The following PNLIP variants were observed in gnomAD, a reference collection of about 807,000 sequenced individuals.
PNLIP encodes the protein pancreatic lipase, also known as pancreatic triacylglycerol lipase.
Under a neutral mutation model 57.1 loss-of-function variants are expected in PNLIP, and 49 were observed. The observed-to-expected ratio is 0.86, with a 90% CI of 0.68 to 1.09. The LOEUF (loss-of-function observed/expected upper bound fraction) is 1.09, where lower values mean the gene tolerates loss of function less well. Among genes scored for constraint, PNLIP ranks in the 50% least tolerant of loss-of-function variants. The probability of loss-of-function intolerance (pLI) is 0.00; values close to 1 mark genes in which losing one functional copy is unlikely to be tolerated. For synonymous variants in PNLIP, 209 were observed against 200.4 expected (o/e 1.04, Z -0.36); for missense variants, 503 against 570.2 (o/e 0.88, Z 1.20).
At chr10:116,547,633 G>A (rs997809453) in intron 3 of PNLIP, among the ~76,000 whole-genome samples, 185 bp downstream of exon 3, 2 of 151,388 alleles carry the variant, frequency 1.3e-5, no homozygotes, top group African/African-American at 4.9e-5. Flanking sequence ...AACTGAAGCA[G>A]GAGGATGGCG....
chr10:116,566,287 A>G (rs1847367033), intron 12 of PNLIP, among the ~76,000 whole-genome samples: 1 of 152,244 alleles, frequency 6.6e-6, no homozygotes, highest in Non-Finnish European at 1.5e-5. Flanking sequence ...AGATAATTAT[A>G]CTGAATGAAA....
intron 12 of PNLIP, among the ~76,000 whole-genome samples, chr10:116,563,066 C>T (rs1478853225): frequency 6.6e-6 from 1 of 151,892 alleles, no homozygotes; most frequent in Non-Finnish European, 1.5e-5. Flanking sequence ...CAATCGACAC[C>T]AAAACAAAAC....
rs781245524 is a variant in PNLIP, at chr10:116,555,280, C to A, written c.674C>A (p.Pro225His). The part of the protein sequence containing the change: ...FVDVIHTDGA[P>H]IVPNLGFGMS... ...GATGTAATTCACACGGATGGTGCCCCCATAGTCCCCAATTTGGGTGAGTTC... is the reference window on the plus strand; with the variant it reads ...GATGTAATTCACACGGATGGTGCCCACATAGTCCCCAATTTGGGTGAGTTC... The change falls in exon 7 of 13, where the codon CCC becomes CAC. Residue 225 changes from proline to histidine, a missense_variant. Pro to His is a moderately conservative substitution (Grantham distance 77). Transcript: ENST00000369221. 2.5e-6 allele frequency: 4 copies of A among 1,614,030 alleles called. No individual in the cohort carries two copies. Among genetic ancestry groups the A allele is most frequent in the Non-Finnish European group, 3.4e-6 (4 of 1,180,054 alleles).
At chr10:116,548,944 G>T (rs1276839690) in intron 4 of PNLIP, among the ~76,000 whole-genome samples, 2 of 151,994 alleles carry the variant, frequency 1.3e-5, no homozygotes, top group Non-Finnish European at 1.5e-5. Flanking sequence ...TTTCATTTTT[G>T]GCTTCTGTTG....
In PNLIP at chr10:116,565,017, T is replaced by C. The variant is rs966880590; in HGVS notation, c.1335-2718T>C. 2.6e-5 allele frequency among the ~76,000 whole-genome samples: 4 copies of C among 151,676 alleles called. No individual in the cohort carries two copies. In the South Asian group the frequency reaches 8.4e-4, roughly 32 times the overall value. The stretch of plus-strand genomic sequence containing the variant: ...GGCTCACACCTGTAATCCCAGCACT[T>C]TGGGAGGCCGAGGCGGGTGGATCAT... On this transcript the variant is annotated intron_variant, in intron 12 of 12. Transcript: ENST00000369221.
At chr10:116,546,196 G>T in intron 2 of PNLIP, 58 bp downstream of exon 2, 2 of 1,455,326 alleles carry the variant, frequency 1.4e-6, no homozygotes, top group Admixed American at 1.7e-5. Context: ...ACGGTCAGGA[G>T]GGCTAGGGCA....
At chr10:116,549,147 G>A (rs1044012699) in intron 4 of PNLIP, among the ~76,000 whole-genome samples, 7 of 152,088 alleles carry the variant, frequency 4.6e-5, no homozygotes, top group East Asian at 1.9e-4. Flanking sequence ...ACCTGCTGTC[G>A]CACAAAGGGA....
chr10:116,559,255 A>C lies in PNLIP; in HGVS notation c.1032A>C (p.Leu344=). Residue 344 remains leucine, a synonymous_variant, in exon 10 of 13, where the codon CTA becomes CTC. Coordinates refer to ENST00000369221, the MANE Select transcript of PNLIP (RefSeq NM_000936.4). ...KTNDVGQKFY[L]DTGDASNFAR... ...ATGATGTGGGCCAGAAATTTTATCT[A>C]GACACTGGTGATGCCAGTAATTTTG... 1 of 1,614,002 alleles carries C rather than the reference A, an allele frequency of 6.2e-7. No homozygotes were observed. The highest frequency in any genetic ancestry group is 1.1e-5 in the South Asian group (1 of 91,074).
chr10:116,554,615 T>C (rs1262850444), intron 6 of PNLIP, among the ~76,000 whole-genome samples: 1 of 152,234 alleles, frequency 6.6e-6, no homozygotes, highest in Non-Finnish European at 1.5e-5. Context: ...CTCTTCCATC[T>C]GTGTTCAACC....
At chr10:116,547,205 C>A in intron 2 of PNLIP, 89 bp from the exon 3 acceptor site, 1 of 1,269,372 alleles carries the variant, frequency 7.9e-7, no homozygotes, top group Non-Finnish European at 1.1e-6. Flanking sequence ...GGAAAGTCTA[C>A]CACACAGTGT....
At position 116,556,145 on chromosome 10, in the gene PNLIP, A is replaced by G. The variant is rs1205156108; in HGVS notation, c.930+27A>G. The G allele has an allele frequency of 4.5e-6, 6 of 1,325,366 alleles. No homozygotes were observed. The East Asian group carries it at 1.2e-4, about 25-fold the overall frequency. 82.1% of individuals were successfully genotyped at this position (1,325,366 alleles called of 1,614,324 possible). ...TAAGTAGACTCCACCTTCCGCATAA[A>G]GAATTTTGTGACTGTCACTTCTCAT... On this transcript the variant is annotated intron_variant, in intron 9 of 12. Coordinates refer to ENST00000369221, the MANE Select transcript of PNLIP (RefSeq NM_000936.4).
chr10:116,556,361 T>A (rs1467921472), intron 9 of PNLIP, among the ~76,000 whole-genome samples: 3 of 152,226 alleles, frequency 2.0e-5, no homozygotes, highest in African/African-American at 7.2e-5. Context: ...ATGTCCAAAC[T>A]TGTTTTAGAA....
intron 12 of PNLIP, 72 bp downstream of exon 12, chr10:116,561,708 TAA>T: frequency 7.3e-7 from 1 of 1,365,526 alleles, no homozygotes; most frequent in Non-Finnish European, 1.0e-6. Context: ...ACTAAAAGTC[TAA>T]TTTAAGTGAA....
Position 116,548,965 on chromosome 10 carries a change from G to A in PNLIP, c.324+483G>A, listed in dbSNP as rs190370658. 1.5e-4 allele frequency among the ~76,000 whole-genome samples: 23 copies of A among 152,244 alleles called. 1 individual carries two copies. The East Asian group carries it at 3.7e-3, about 24-fold the overall frequency. On this transcript the variant is annotated intron_variant, in intron 4 of 12. Coordinates refer to ENST00000369221, the MANE Select transcript of PNLIP (RefSeq NM_000936.4). ...TTTTGGCTTCTGTTGTTTCAACAGC[G>A]GTGATCCTATTTTCTTTAATTTGCC... is the stretch of plus-strand genomic sequence containing the variant.
Position 116,547,370 on chromosome 10 carries a change from C to T in PNLIP, c.123C>T (p.Leu41=), listed in dbSNP as rs758010374. The change falls in exon 3 of 13, where the codon CTC becomes CTT. Residue 41 remains leucine (L), a synonymous_variant. Transcript: ENST00000369221. The part of the protein sequence containing the change: ...SPWSGITERP[L]HILPWSPKDV... ...GGTCAGGAATTACGGAAAGACCCCT[C>T]CATATATTGCCTTGGTCTCCAAAAG... The T allele has an allele frequency of 6.2e-7, 1 of 1,613,910 alleles. No homozygotes were observed. Among genetic ancestry groups the T allele is most frequent in the South Asian group, 1.1e-5 (1 of 91,070 alleles).
intron 12 of PNLIP, among the ~76,000 whole-genome samples, chr10:116,567,408 A>T (rs759636077): frequency 6.6e-6 from 1 of 152,200 alleles, no homozygotes; most frequent in South Asian, 2.1e-4. Context: ...CTGATTTCTT[A>T]TGATGGTGAC....
At position 116,551,198 on chromosome 10, in the gene PNLIP, G is replaced by C. The variant is rs906711561; in HGVS notation, c.425G>C (p.Gly142Ala). The C allele has an allele frequency of 1.2e-6, 2 of 1,611,566 alleles. No homozygotes were observed. The highest frequency in any genetic ancestry group is 1.7e-5 in the Admixed American group (1 of 59,806). The change falls in exon 5 of 13, where the codon GGA (glycine) becomes GCA (alanine). Residue 142 changes from glycine to alanine, a missense_variant. Transcript: ENST00000369221. ...GCCTCGCAGAACATCAGGATCGTGGGAGCAGAAGTGGCATATTTTGTTGAA... is the reference window on the plus strand; with the variant it reads ...GCCTCGCAGAACATCAGGATCGTGGCAGCAGAAGTGGCATATTTTGTTGAA... ...TQASQNIRIV[G>A]AEVAYFVEFL...
At chr10:116,565,911 C>T (rs549754582) in intron 12 of PNLIP, among the ~76,000 whole-genome samples, 81 of 152,098 alleles carry the variant, frequency 5.3e-4, no homozygotes, top group Non-Finnish European at 8.7e-4. Context: ...TGGGTTCAAG[C>T]GATTCTCCTG....
chr10:116,566,436 G>C (rs1847368273), intron 12 of PNLIP, among the ~76,000 whole-genome samples: 1 of 152,144 alleles, frequency 6.6e-6, no homozygotes, highest in African/African-American at 2.4e-5. Context: ...CAATTACAAA[G>C]AGGAAGAAAG....
Sources: allele counts gnomAD v4.1 joint callset (sites outside exome capture counted in the v4.1 genomes callset), GRCh38; gene constraint gnomAD v4.1.1; transcripts MANE v1.5; gene names NCBI Gene and HGNC (gene_info 2026-07-23, HGNC 2026-07-21).